RICTOR: variants seen among roughly 807,000 people sequenced by gnomAD.
RICTOR encodes RPTOR independent companion of MTOR complex 2.
RICTOR carries 49 observed loss-of-function variants against 214.9 expected under a neutral mutation model. The ratio of observed to expected loss-of-function variants is 0.23; its 90% CI spans 0.18 to 0.29. RICTOR has a LOEUF of 0.29. RICTOR is among the 10% of genes least tolerant of loss of function. The pLI is 1.00. For synonymous variants in RICTOR, 717 were observed against 711.3 expected (o/e 1.01, Z -0.13); for missense variants, 1,625 against 2,047.0 (o/e 0.79, Z 3.98).
At chr5:39,005,047 C>T (rs142343513) in intron 3 of RICTOR, among the ~76,000 whole-genome samples, 1 of 152,270 alleles carries the variant, frequency 6.6e-6, no homozygotes, top group African/African-American at 2.4e-5. Context: ...TCCCAAAGTG[C>T]TGGGATTATG....
intron 2 of RICTOR, among the ~76,000 whole-genome samples, chr5:39,044,737 T>C (rs1757377168): frequency 6.6e-6 from 1 of 152,144 alleles, no homozygotes; most frequent in Admixed American, 6.5e-5. Context: ...AACATGGCAA[T>C]GCATAGGAAA....
chr5:39,048,607 G>A (rs1378651540), intron 2 of RICTOR, among the ~76,000 whole-genome samples: 1 of 152,148 alleles, frequency 6.6e-6, no homozygotes, highest in East Asian at 1.9e-4. Flanking sequence ...ACTCTGCTGG[G>A]AAGATTCTAG....
At chr5:39,043,093 T>C (rs1021211892) in intron 2 of RICTOR, among the ~76,000 whole-genome samples, 3 of 152,074 alleles carry the variant, frequency 2.0e-5, no homozygotes, top group Admixed American at 1.3e-4. Context: ...AATTGCCAAA[T>C]GGATGATCCA....
intron 2 of RICTOR, among the ~76,000 whole-genome samples, chr5:39,068,418 G>A (rs1173707178): frequency 6.6e-6 from 1 of 152,186 alleles, no homozygotes; most frequent in Non-Finnish European, 1.5e-5. Context: ...TATGCAGAGA[G>A]GCAGATATAT....
chr5:39,039,620 G>A (rs1757014118), intron 2 of RICTOR, among the ~76,000 whole-genome samples: 1 of 152,070 alleles, frequency 6.6e-6, no homozygotes, highest in African/African-American at 2.4e-5. Context: ...AAATTTACAA[G>A]GAAAAAACAA....
chr5:39,003,203 G>A (rs1753781493), intron 4 of RICTOR, among the ~76,000 whole-genome samples: 1 of 152,120 alleles, frequency 6.6e-6, no homozygotes, highest in Non-Finnish European at 1.5e-5. Flanking sequence ...GGCAAATCAA[G>A]TCTGTTGTAA....
At chr5:39,036,480 T>C (rs1204814070) in intron 2 of RICTOR, among the ~76,000 whole-genome samples, 2 of 152,162 alleles carry the variant, frequency 1.3e-5, no homozygotes, top group Non-Finnish European at 2.9e-5. Context: ...TAACCTTAAA[T>C]GTAAATAGGC....
At chr5:38,978,155 GATA>G (rs79066551) in intron 9 of RICTOR, among the ~76,000 whole-genome samples, 57,354 of 151,604 alleles carry the variant, frequency 0.38, 11,061 homozygotes, top group East Asian at 0.47. Flanking sequence ...CTCATTTCTA[GATA>G]ATAATATTTA....
chr5:39,028,554 C>A (rs1168700192), intron 2 of RICTOR, among the ~76,000 whole-genome samples: 3 of 152,178 alleles, frequency 2.0e-5, no homozygotes, highest in Non-Finnish European at 4.4e-5. Flanking sequence ...CAACATACAT[C>A]TGTCAATATT....
intron 2 of RICTOR, among the ~76,000 whole-genome samples, chr5:39,023,913 T>C (rs1458744851): frequency 1.3e-5 from 2 of 152,196 alleles, no homozygotes; most frequent in Non-Finnish European, 2.9e-5. Flanking sequence ...ATGAAATATT[T>C]TTAATGTAAA....
intron 10 of RICTOR, among the ~76,000 whole-genome samples, chr5:38,974,352 T>G (rs1751030426): frequency 6.6e-6 from 1 of 151,860 alleles, no homozygotes; most frequent in Non-Finnish European, 1.5e-5. Context: ...TAATGATGAA[T>G]CATTATAAAA....
At chr5:39,036,707 A>G (rs1756732342) in intron 2 of RICTOR, among the ~76,000 whole-genome samples, 1 of 152,238 alleles carries the variant, frequency 6.6e-6, no homozygotes, top group South Asian at 2.1e-4. Flanking sequence ...GCAAAGATCA[A>G]AAGAGACAAA....
At chr5:38,966,235 G>GC (rs1166049129) in intron 15 of RICTOR, among the ~76,000 whole-genome samples, 1 of 152,176 alleles carries the variant, frequency 6.6e-6, no homozygotes, top group East Asian at 1.9e-4. Flanking sequence ...TAAAATTCAG[G>GC]CACTGACTAC....
chr5:39,002,735 A>G, intron 4 of RICTOR, 69 bp from the exon 5 acceptor site: 1 of 1,472,174 alleles, frequency 6.8e-7, no homozygotes, highest in Non-Finnish European at 9.2e-7. Context: ...TTATATTACC[A>G]AATTATTCCT....
intron 35 of RICTOR, 113 bp downstream of exon 35, chr5:38,944,800 C>A: frequency 9.4e-7 from 1 of 1,065,318 alleles, no homozygotes; most frequent in South Asian, 1.3e-5. Flanking sequence ...CTAAAATGGA[C>A]GTATTACTGT....
intron 2 of RICTOR, among the ~76,000 whole-genome samples, chr5:39,034,078 T>C (rs1756473774): frequency 6.6e-6 from 1 of 152,340 alleles, no homozygotes; most frequent in East Asian, 1.9e-4. Flanking sequence ...AAAAAAGTCC[T>C]TGCTGACAGT....
At position 38,990,684 on chromosome 5, in the gene RICTOR, C is replaced by G. The variant is rs374320827; in HGVS notation, c.583+265G>C. 4.6e-3 allele frequency among the ~76,000 whole-genome samples: 74 copies of G among 16,202 alleles called. 5 individuals are homozygous for G. The highest frequency in any genetic ancestry group is 0.021 in the East Asian group (10 of 482). The allele number at this position is 16,202 out of a possible 152,430, so 10.6% of individuals were successfully genotyped here. On this transcript the variant is annotated intron_variant, in intron 7 of 37. Coordinates refer to ENST00000357387, the MANE Select transcript of RICTOR (RefSeq NM_152756.5). ...TATATCAGATATATATCAGATATAT[C>G]ATATATATGATATATATCAGATATG...
chr5:38,974,797 G>A (rs1467291785), intron 10 of RICTOR, among the ~76,000 whole-genome samples: 1 of 152,174 alleles, frequency 6.6e-6, no homozygotes, highest in Non-Finnish European at 1.5e-5. Context: ...CCATACAAAT[G>A]GCTGGAGTAA....
In RICTOR at chr5:38,958,727, A is replaced by C. The variant is rs1450472926; in HGVS notation, c.2283T>G (p.Asp761Glu). The C allele has an allele frequency of 2.5e-6, 4 of 1,612,306 alleles. No individual in the cohort carries two copies. Among genetic ancestry groups the C allele is most frequent in the Non-Finnish European group, 3.4e-6 (4 of 1,179,084 alleles). The stretch of plus-strand genomic sequence containing the variant: ...CTTCAGAGGAAATCGTTTTGTTTTT[A>C]TCATGTAGCTGGGTCACTAACAACT... Reference protein sequence around the residue: ...GIELLVTQLHDKNKTISSEAL... With the variant: ...GIELLVTQLHEKNKTISSEAL... The change falls in exon 23 of 38, where the codon GAT becomes GAG. Residue 761 changes from aspartate to glutamate, a missense_variant. Physicochemically the swap from Asp to Glu is conservative, Grantham distance 45. Around this residue, in one of 5 missense-constraint regions of RICTOR, gnomAD observed 1,214 missense variants for 1,470.5 expected, o/e 0.83. Transcript: ENST00000357387.
Sources: allele counts gnomAD v4.1 joint callset (sites outside exome capture counted in the v4.1 genomes callset), GRCh38; gene constraint gnomAD v4.1.1; regional missense constraint gnomAD v4.1.1; transcripts MANE v1.5; gene names NCBI Gene and HGNC (gene_info 2026-07-23, HGNC 2026-07-21).